Variants in TAF15 observed in about 807,000 individuals in gnomAD.
The protein encoded by TAF15 is TATA-box binding protein associated factor 15.
TAF15 carries 37 observed loss-of-function variants against 102.5 expected under a neutral mutation model. The ratio of observed to expected loss-of-function variants is 0.36; its 90% CI spans 0.28 to 0.47. The LOEUF is 0.47. Ranked by LOEUF, TAF15 falls within the 20% of genes least tolerant of loss-of-function variation. The pLI is 0.99. For missense variants in TAF15, 652 were observed against 760.7 expected (o/e 0.86, Z 1.68); for synonymous variants, 273 against 259.2 (o/e 1.05, Z -0.51).
intron 1 of TAF15, chr17:35,816,653 C>T (rs555961361): frequency 2.1e-5 from 3 of 140,082 alleles, no homozygotes; most frequent in Admixed American, 7.0e-5. Flanking sequence ...TGCTCTTATG[C>T]GTCACATACT....
chr17:35,826,800 T>G (rs1295847846), intron 7 of TAF15, among the ~76,000 whole-genome samples: 1 of 150,382 alleles, frequency 6.6e-6, no homozygotes, highest in Non-Finnish European at 1.5e-5. Context: ...TCTCCTGACC[T>G]CGTGATCTGC....
intron 11 of TAF15, 38 bp from the exon 12 acceptor site, chr17:35,842,329 G>A (rs756245781): frequency 2.7e-5 from 41 of 1,491,232 alleles, no homozygotes; most frequent in Middle Eastern, 1.8e-4. Flanking sequence ...TGGAGGTATA[G>A]AGTAGCATTG....
chr17:35,825,986 C>T (rs1319185608), intron 7 of TAF15, among the ~76,000 whole-genome samples: 3 of 151,968 alleles, frequency 2.0e-5, no homozygotes, highest in Admixed American at 1.3e-4. Flanking sequence ...AATGTATTTT[C>T]ATTTGTGACT....
At chr17:35,822,981 C>G (rs1467163323) in intron 6 of TAF15, 148 bp downstream of exon 6, 4 of 1,009,772 alleles carry the variant, frequency 4.0e-6, no homozygotes, top group Non-Finnish European at 6.0e-6. Flanking sequence ...GTAATCAAAA[C>G]TAGTTTATCA....
chr17:35,831,386 G>A (rs1489851778), intron 7 of TAF15, among the ~76,000 whole-genome samples: 3 of 146,974 alleles, frequency 2.0e-5, no homozygotes, highest in South Asian at 2.2e-4. Context: ...CAGCCTGGGC[G>A]ACAGAGCAAG....
chr17:35,846,787 G>A, intron 15 of TAF15, 119 bp from the exon 16 acceptor site: 1 of 988,788 alleles, frequency 1.0e-6, no homozygotes, highest in East Asian at 2.4e-5. Context: ...ATGAGGCATG[G>A]TGTCATTCTT....
chr17:35,809,716 C>A, intron 1 of TAF15, 140 bp downstream of exon 1: 1 of 1,204,802 alleles, frequency 8.3e-7, no homozygotes, highest in Non-Finnish European at 1.2e-6. Context: ...GCCGCTGCCG[C>A]CGCCATGTTG....
chr17:35,834,690 A>G (rs1157036406), intron 9 of TAF15, 92 bp downstream of exon 9: 5 of 1,192,714 alleles, frequency 4.2e-6, no homozygotes, highest in South Asian at 2.6e-5. Flanking sequence ...GGCTTAGTAC[A>G]GGAGGAAGAT....
rs1473676342 is a variant in TAF15 at position 35,844,841 on chromosome 17, T to C, written c.1542T>C (p.Gly514=). 1.2e-5 allele frequency: 19 copies of C among 1,592,370 alleles called. No homozygotes were observed. Among genetic ancestry groups the C allele is most frequent in the East Asian group, 2.2e-5 (1 of 44,552 alleles). The stretch of plus-strand genomic sequence containing the variant: ...GAGGTTACGGAGGAGATCGAGGAGG[T>C]TATGGAGGAGATCGAGGAGGCTATG... ...DRGGYGGDRG[G]YGGDRGGYGG... Residue 514 remains glycine, a synonymous_variant, in exon 15 of 16, where the codon GGT becomes GGC. Coordinates refer to ENST00000605844, the MANE Select transcript of TAF15 (RefSeq NM_139215.3).
At chr17:35,818,322 C>G (rs1469291205) in intron 2 of TAF15, 1 of 153,526 alleles carries the variant, frequency 6.5e-6, no homozygotes, top group Non-Finnish European at 1.4e-5. Flanking sequence ...GTCTCGATCT[C>G]CTGACCTCGT....
chr17:35,839,018 T>G (rs8070571), intron 11 of TAF15, among the ~76,000 whole-genome samples: 1 of 151,748 alleles, frequency 6.6e-6, no homozygotes, highest in African/African-American at 2.4e-5. Context: ...ATAATCCCAG[T>G]GCTTTGGGAG....
In TAF15 at chr17:35,820,406, G is replaced by A. The variant is rs1316430890; in HGVS notation, c.259G>A (p.Gly87Arg). ...TAGCCAGCAACCATATAATAACCAG[G>A]GACAGCAGCAAAACATGGAATCATC... is the stretch of plus-strand genomic sequence containing the variant. ...SYSQQPYNNQ[G>R]QQQNMESSGS... The change falls in exon 5 of 16, where the codon GGA (glycine) becomes AGA (arginine). Residue 87 changes from glycine to arginine, a missense_variant. Physicochemically the swap from Gly to Arg is moderately radical, Grantham distance 125 (BLOSUM62 -2). This residue lies in a region of TAF15 where 243 missense variants were observed against 284.1 expected (regional missense o/e 0.86). Transcript: ENST00000605844. The A allele has an allele frequency of 1.9e-6, 3 of 1,613,922 alleles. No individual in the cohort carries two copies. Among genetic ancestry groups the A allele is most frequent in the Non-Finnish European group, 2.5e-6 (3 of 1,179,920 alleles).
intron 11 of TAF15, 104 bp from the exon 12 acceptor site, chr17:35,842,263 T>C: frequency 1.2e-6 from 1 of 813,772 alleles, no homozygotes; most frequent in Non-Finnish European, 2.1e-6. Flanking sequence ...TGAGGACATG[T>C]CAGTTACTCC....
chr17:35,817,689 A>G, intron 1 of TAF15, 27 bp from the exon 2 acceptor site: 10 of 1,609,118 alleles, frequency 6.2e-6, no homozygotes, highest in Non-Finnish European at 8.5e-6. Context: ...TTTAAATAAG[A>G]TTTAAAATTC....
intron 1 of TAF15, among the ~76,000 whole-genome samples, chr17:35,814,703 A>G (rs775333145): frequency 7.9e-5 from 12 of 151,728 alleles, no homozygotes; most frequent in Non-Finnish European, 1.8e-4. Context: ...AAATACAAAA[A>G]CTAGCCGGGC....
intron 11 of TAF15, among the ~76,000 whole-genome samples, chr17:35,838,982 T>G (rs2087508564): frequency 6.6e-6 from 1 of 152,152 alleles, no homozygotes; most frequent in African/African-American, 2.4e-5. Context: ...GTTTGAAATT[T>G]AGGCCAGGTG....
At chr17:35,836,503 A>T (rs1370203463) in intron 10 of TAF15, among the ~76,000 whole-genome samples, 7 of 152,168 alleles carry the variant, frequency 4.6e-5, no homozygotes, top group Non-Finnish European at 1.0e-4. Context: ...CTTAGTTCTT[A>T]TAACTGTGAG....
intron 11 of TAF15, among the ~76,000 whole-genome samples, chr17:35,841,224 T>G (rs113927471): frequency 1.7e-4 from 26 of 152,346 alleles, no homozygotes; most frequent in African/African-American, 5.3e-4. Context: ...TGGTAAAATA[T>G]GAGTTTCTTT....
chr17:35,832,390 G>A (rs1268290547), intron 7 of TAF15, among the ~76,000 whole-genome samples: 2 of 152,174 alleles, frequency 1.3e-5, no homozygotes, highest in African/African-American at 2.4e-5. Flanking sequence ...AAATGCATGT[G>A]TCTGTACCTA....
Sources: allele counts gnomAD v4.1 joint callset (sites outside exome capture counted in the v4.1 genomes callset), GRCh38; gene constraint gnomAD v4.1.1; regional missense constraint gnomAD v4.1.1; transcripts MANE v1.5; gene names NCBI Gene and HGNC (gene_info 2026-07-23, HGNC 2026-07-21).